The following PTPRT variants were observed in gnomAD, a reference collection of about 807,000 sequenced individuals.
PTPRT encodes receptor-type tyrosine-protein phosphatase T.
In PTPRT, 56 loss-of-function variants were observed where a neutral mutation model predicts 176.8. That is an observed-to-expected ratio of 0.32 (90% CI 0.26 to 0.40). The LOEUF is 0.40. Ranked by LOEUF, PTPRT falls within the 10% of genes least tolerant of loss-of-function variation. The pLI is 1.00. For synonymous variants in PTPRT, 783 were observed against 739.0 expected, an observed-to-expected ratio of 1.06 and a Z score of -0.96; for missense variants, 1,540 against 1,908.2, an observed-to-expected ratio of 0.81 and a Z score of 3.60.
intron 9 of PTPRT, among the ~76,000 whole-genome samples, chr20:42,363,290 ATATATATATATTTTTTTTT>A (rs1421890265): frequency 1.6e-4 from 4 of 25,666 alleles, no homozygotes; most frequent in Admixed American, 1.2e-3. Context: ...ATATATATAT[ATATATATATATTTTTTTTT>A]TTTTTTTTTT....
chr20:42,573,825 T>G (rs2073206702), intron 7 of PTPRT, among the ~76,000 whole-genome samples: 1 of 144,092 alleles, frequency 6.9e-6, no homozygotes, highest in African/African-American at 2.6e-5. Context: ...CTCAGCTCAC[T>G]GCATGCTCCG....
At chr20:42,333,126 C>T (rs947907440) in intron 11 of PTPRT, among the ~76,000 whole-genome samples, 3 of 151,748 alleles carry the variant, frequency 2.0e-5, no homozygotes, top group Non-Finnish European at 4.4e-5. Context: ...CTTTTTTTTC[C>T]CAATTATGTA....
intron 7 of PTPRT, among the ~76,000 whole-genome samples, chr20:42,648,820 GTTTTT>G (rs68036487): frequency 4.5e-5 from 5 of 111,834 alleles, no homozygotes; most frequent in Non-Finnish European, 7.1e-5. Flanking sequence ...TGGTGTCGTT[GTTTTT>G]TTTTTTTTTT....
chr20:42,837,496 A>G (rs140123440), intron 2 of PTPRT, among the ~76,000 whole-genome samples: 52 of 152,278 alleles, frequency 3.4e-4, no homozygotes, highest in African/African-American at 1.2e-3. Context: ...CCCTGCCATC[A>G]AAGTGGAGGG....
In PTPRT at chr20:42,616,078, G is replaced by A. The variant is rs1020899949; in HGVS notation, c.1153+61788C>T. The stretch of plus-strand genomic sequence containing the variant: ...GGGTTTTTATGGTTTTAGGTCTAAC[G>A]TTTAAATCTTTAATCCATCTTGAAT... On this transcript the variant is annotated intron_variant, in intron 7 of 30. Coordinates refer to ENST00000373187, the MANE Select transcript of PTPRT (RefSeq NM_007050.6). Among the ~76,000 whole-genome samples, 357 of 131,126 alleles carry A rather than the reference G, an allele frequency of 2.7e-3. 61 individuals carry two copies. Among genetic ancestry groups the A allele is most frequent in the African/African-American group, 0.012 (349 of 27,992 alleles). 86.0% of individuals were successfully genotyped at this position (131,126 alleles called of 152,430 possible). A position where few individuals can be genotyped will look rare whatever the true frequency, so the allele number is the denominator to read the frequency against.
At chr20:42,369,484 C>G (rs767483753) in intron 9 of PTPRT, among the ~76,000 whole-genome samples, 3 of 152,158 alleles carry the variant, frequency 2.0e-5, no homozygotes, top group Non-Finnish European at 4.4e-5. Context: ...ACCACCATTG[C>G]TGTTATAGAG....
At chr20:43,132,355 A>T (rs1238912736) in intron 1 of PTPRT, among the ~76,000 whole-genome samples, 1 of 152,214 alleles carries the variant, frequency 6.6e-6, no homozygotes, top group East Asian at 1.9e-4. Context: ...AAAAATGGAA[A>T]AAGATATTTC....
At chr20:42,863,415 G>A (rs1162094050) in intron 2 of PTPRT, among the ~76,000 whole-genome samples, 2 of 152,176 alleles carry the variant, frequency 1.3e-5, no homozygotes, top group Non-Finnish European at 2.9e-5. Flanking sequence ...TGACTATCTA[G>A]AAATGAGAGC....
chr20:42,208,596 A>C (rs1463861539), intron 15 of PTPRT, among the ~76,000 whole-genome samples: 3 of 152,000 alleles, frequency 2.0e-5, no homozygotes. Context: ...AGAGCTAACT[A>C]TCCTAAATAT....
intron 7 of PTPRT, among the ~76,000 whole-genome samples, chr20:42,617,806 T>C (rs1306072708): frequency 7.2e-6 from 1 of 139,372 alleles, no homozygotes; most frequent in Non-Finnish European, 1.5e-5. Flanking sequence ...CATTTTTTAT[T>C]GCATCTATTT....
At chr20:42,875,159 C>G (rs756704773) in intron 2 of PTPRT, among the ~76,000 whole-genome samples, 3 of 152,192 alleles carry the variant, frequency 2.0e-5, no homozygotes, top group Non-Finnish European at 4.4e-5. Flanking sequence ...AGGCAAGCAT[C>G]TATGTGGATA....
intron 28 of PTPRT, among the ~76,000 whole-genome samples, 156 bp downstream of exon 28, chr20:42,085,572 G>C (rs1444327761): frequency 6.6e-6 from 1 of 152,184 alleles, no homozygotes; most frequent in African/African-American, 2.4e-5. Flanking sequence ...TGCTGAGTCT[G>C]GAGCCGGAAT....
At chr20:42,382,440 T>C (rs778739535) in intron 9 of PTPRT, among the ~76,000 whole-genome samples, 6 of 152,200 alleles carry the variant, frequency 3.9e-5, no homozygotes, top group Non-Finnish European at 7.3e-5. Flanking sequence ...ATTGGCAGAC[T>C]GCTTCCAGAT....
chr20:42,620,207 G>A (rs992349604), intron 7 of PTPRT, among the ~76,000 whole-genome samples: 3 of 149,304 alleles, frequency 2.0e-5, no homozygotes, highest in East Asian at 1.9e-4. Flanking sequence ...GCCTTGTGAG[G>A]TGTCAGTGTG....
chr20:42,732,640 G>C (rs1047855339), intron 6 of PTPRT, among the ~76,000 whole-genome samples: 2 of 152,182 alleles, frequency 1.3e-5, no homozygotes, highest in Non-Finnish European at 2.9e-5. Flanking sequence ...AGATCGTGCT[G>C]TTTCATGCTT....
chr20:43,164,953 G>A (rs780744648), intron 1 of PTPRT, among the ~76,000 whole-genome samples: 1 of 152,062 alleles, frequency 6.6e-6, no homozygotes, highest in African/African-American at 2.4e-5. Context: ...GCTAAACTCA[G>A]TCAAGTAAGC....
At chr20:42,691,493 T>C (rs776917509) in intron 6 of PTPRT, among the ~76,000 whole-genome samples, 1 of 152,206 alleles carries the variant, frequency 6.6e-6, no homozygotes, top group Non-Finnish European at 1.5e-5. Flanking sequence ...AAGTATCGAC[T>C]GCTCTGAAGT....
Position 42,782,833 on chromosome 20 carries a change from G to A in PTPRT, c.487-2534C>T, listed in dbSNP as rs1271674897. ...AAAAGAACAATGAAAAAATTAGGTG[G>A]ACTAAAATGGTCATTTAGAAAAAAC... On this transcript the variant is annotated intron_variant, in intron 3 of 30. Coordinates refer to ENST00000373187, the MANE Select transcript of PTPRT (RefSeq NM_007050.6). Among the ~76,000 whole-genome samples, 3 of 152,236 alleles carry A rather than the reference G, an allele frequency of 2.0e-5. No homozygotes were observed. The East Asian group carries it at 5.8e-4, about 29-fold the overall frequency.
chr20:42,280,255 C>T (rs1433220788), intron 13 of PTPRT, among the ~76,000 whole-genome samples: 7 of 152,090 alleles, frequency 4.6e-5, no homozygotes, highest in Non-Finnish European at 1.0e-4. Flanking sequence ...AAGCATAGTA[C>T]CAGGCACCAA....
Sources: allele counts gnomAD v4.1 joint callset (sites outside exome capture counted in the v4.1 genomes callset), GRCh38; gene constraint gnomAD v4.1.1; transcripts MANE v1.5; gene names NCBI Gene and HGNC (gene_info 2026-07-23, HGNC 2026-07-21).